Variants in ME2 observed in about 807,000 individuals in gnomAD.
ME2 encodes the protein NAD-dependent malic enzyme, mitochondrial.
ME2 carries 60 observed loss-of-function variants against 73.7 expected under a neutral mutation model. That is an observed-to-expected ratio of 0.81 (90% CI 0.66 to 1.01). The LOEUF (loss-of-function observed/expected upper bound fraction) is 1.01. Ranked by LOEUF, ME2 falls within the 50% of genes least tolerant of loss-of-function variation. The pLI is 0.00. For missense variants in ME2, 594 were observed against 705.5 expected, an observed-to-expected ratio of 0.84 and a Z score of 1.79; for synonymous variants, 199 against 236.9, an observed-to-expected ratio of 0.84 and a Z score of 1.47.
intron 3 of ME2, among the ~76,000 whole-genome samples, chr18:50,909,643 T>C (rs1420153093): frequency 6.6e-6 from 1 of 152,098 alleles, no homozygotes. Flanking sequence ...AAAGAGATAC[T>C]GTGATAGATT....
At chr18:50,897,665 A>G (rs988768270) in intron 2 of ME2, among the ~76,000 whole-genome samples, 3 of 152,218 alleles carry the variant, frequency 2.0e-5, no homozygotes, top group African/African-American at 7.2e-5. Context: ...GTTCGAGACC[A>G]GCCTGACCAA....
At chr18:50,892,859 C>G (rs1301441682) in intron 1 of ME2, among the ~76,000 whole-genome samples, 1 of 152,118 alleles carries the variant, frequency 6.6e-6, no homozygotes, top group African/African-American at 2.4e-5. Context: ...GGTGCAGTGG[C>G]TCACGCCTGT....
intron 1 of ME2, among the ~76,000 whole-genome samples, chr18:50,893,124 C>CAAAA (rs56104427): frequency 9.0e-5 from 7 of 78,090 alleles, no homozygotes; most frequent in African/African-American, 2.4e-4. Flanking sequence ...GACTCTATCT[C>CAAAA]AAAAAAAAAA....
At chr18:50,888,820 C>T (rs992994537) in intron 1 of ME2, among the ~76,000 whole-genome samples, 4 of 152,102 alleles carry the variant, frequency 2.6e-5, no homozygotes, top group Admixed American at 2.6e-4. Context: ...CTGATTCTGT[C>T]ACAGAGCTCC....
At chr18:50,928,367 T>C (rs1917614269) in intron 12 of ME2, among the ~76,000 whole-genome samples, 1 of 151,628 alleles carries the variant, frequency 6.6e-6, no homozygotes, top group South Asian at 2.1e-4. Context: ...TGCCTCAGCC[T>C]CCCGAGTAGC....
intron 13 of ME2, chr18:50,932,805 A>G (rs1917729778): frequency 6.5e-6 from 1 of 153,010 alleles, no homozygotes; most frequent in Admixed American, 6.5e-5. Context: ...ACAGGCATGC[A>G]CCACCACACT....
chr18:50,925,162 G>C (rs968089186), intron 11 of ME2, among the ~76,000 whole-genome samples: 3 of 152,124 alleles, frequency 2.0e-5, no homozygotes, highest in African/African-American at 7.2e-5. Context: ...CCCAATTAGA[G>C]TGATGAAGAT....
At chr18:50,928,664 CA>C in intron 12 of ME2, among the ~76,000 whole-genome samples, 1 of 152,282 alleles carries the variant, frequency 6.6e-6, no homozygotes, top group East Asian at 1.9e-4. Context: ...CGCCATAATC[CA>C]GTCAGGATGT....
chr18:50,941,644 G>A (rs1204841518), intron 15 of ME2, among the ~76,000 whole-genome samples: 8 of 149,366 alleles, frequency 5.4e-5, no homozygotes, highest in Non-Finnish European at 7.4e-5. Flanking sequence ...CAAACTGCTG[G>A]GATTACAGGC....
intron 2 of ME2, among the ~76,000 whole-genome samples, chr18:50,897,692 C>T (rs1330387069): frequency 1.3e-5 from 2 of 151,876 alleles, no homozygotes; most frequent in Non-Finnish European, 2.9e-5. Context: ...GAAACCCCAT[C>T]TCTACTAAAA....
Position 50,912,884 on chromosome 18 carries a change from CA to C in ME2, c.328del (p.Ile110LeufsTer50), listed in dbSNP as rs1301347101. 1 of 1,611,192 alleles carries C rather than the reference CA, an allele frequency of 6.2e-7. No individual in the cohort carries two copies. The highest frequency in any genetic ancestry group is 8.5e-7 in the Non-Finnish European group (1 of 1,178,432). On this transcript the variant is annotated frameshift_variant, in exon 4 of 16. Transcript: ENST00000321341. LOFTEE classifies it high-confidence loss of function. The part of the protein sequence containing the change: ...ILQDDIESLM[P>X]IVYTPTVGLA... ...CAAGATGACATTGAGAGTTTAATGC[CA>C]ATTGTATATACACCGACGGTTGGTC...
chr18:50,887,283 G>C (rs545581342), intron 1 of ME2, among the ~76,000 whole-genome samples: 6 of 152,192 alleles, frequency 3.9e-5, no homozygotes, highest in Admixed American at 6.5e-5. Flanking sequence ...AGCCAAGTTT[G>C]AAAGCAAGAG....
At chr18:50,894,380 A>C (rs1023667055) in intron 1 of ME2, among the ~76,000 whole-genome samples, 1 of 151,774 alleles carries the variant, frequency 6.6e-6, no homozygotes, top group African/African-American at 2.4e-5. Context: ...CCTGGCCAAC[A>C]TGGTGAAACC....
At chr18:50,910,440 GAAA>G (rs1207940247) in intron 3 of ME2, among the ~76,000 whole-genome samples, 1 of 80,364 alleles carries the variant, frequency 1.2e-5, no homozygotes. Flanking sequence ...CCCTGTCTCA[GAAA>G]AAAAAAAAAA....
At chr18:50,945,805 G>A (rs916833187) in intron 15 of ME2, among the ~76,000 whole-genome samples, 1 of 152,140 alleles carries the variant, frequency 6.6e-6, no homozygotes, top group African/African-American at 2.4e-5. Flanking sequence ...GGTGGCTCAT[G>A]CCTGTAATCT....
chr18:50,911,690 C>T (rs183440521), intron 3 of ME2, among the ~76,000 whole-genome samples: 19 of 152,194 alleles, frequency 1.2e-4, no homozygotes, highest in Admixed American at 4.6e-4. Flanking sequence ...GTGCATCAAA[C>T]GCAGCAAGTC....
At chr18:50,901,258 G>A (rs1916882588) in intron 2 of ME2, among the ~76,000 whole-genome samples, 1 of 152,180 alleles carries the variant, frequency 6.6e-6, no homozygotes, top group Non-Finnish European at 1.5e-5. Context: ...TGTGTAAATG[G>A]ATTCTATCTC....
intron 7 of ME2, among the ~76,000 whole-genome samples, chr18:50,919,632 C>G (rs1917373493): frequency 6.6e-6 from 1 of 152,118 alleles, no homozygotes; most frequent in Admixed American, 6.6e-5. Flanking sequence ...GATCTCTTGT[C>G]TTCGTATCAT....
chr18:50,903,975 A>G (rs1916950769), intron 2 of ME2, among the ~76,000 whole-genome samples: 2 of 152,202 alleles, frequency 1.3e-5, no homozygotes, highest in South Asian at 4.1e-4. Flanking sequence ...AAAGTCTCCA[A>G]CTTGTTGAAT....
Sources: allele counts gnomAD v4.1 joint callset (sites outside exome capture counted in the v4.1 genomes callset), GRCh38; gene constraint gnomAD v4.1.1; transcripts MANE v1.5; gene names NCBI Gene and HGNC (gene_info 2026-07-23, HGNC 2026-07-21).